The following CBL variants were observed in gnomAD, a reference collection of about 807,000 sequenced individuals.
CBL encodes the protein Cbl proto-oncogene, also known as E3 ubiquitin-protein ligase CBL.
In CBL, 45 loss-of-function variants were observed where a neutral mutation model predicts 96.9. The ratio of observed to expected loss-of-function variants is 0.46; its 90% CI spans 0.37 to 0.60. The LOEUF is 0.60. CBL is among the 20% of genes least tolerant of loss of function. The pLI is 0.00. For synonymous variants in CBL, 420 were observed against 426.8 expected (o/e 0.98, Z 0.20); for missense variants, 1,024 against 1,143.5 (o/e 0.90, Z 1.51).
intron 2 of CBL, among the ~76,000 whole-genome samples, chr11:119,242,940 T>C (rs1949598818): frequency 6.6e-6 from 1 of 151,854 alleles, no homozygotes; most frequent in East Asian, 1.9e-4. Flanking sequence ...GCATTAGGGG[T>C]GAAATTAGTT....
At chr11:119,275,968 C>G (rs1404154205) in intron 5 of CBL, 29 bp from the exon 6 acceptor site, 1 of 1,612,078 alleles carries the variant, frequency 6.2e-7, no homozygotes, top group African/African-American at 1.3e-5. Flanking sequence ...GCATAATCTA[C>G]TAAAGCTTCT....
chr11:119,277,241 G>GCACACA (rs59099916), intron 6 of CBL, among the ~76,000 whole-genome samples: 326 of 146,490 alleles, frequency 2.2e-3, no homozygotes, highest in African/African-American at 7.7e-3. Flanking sequence ...AATCTGTCGC[G>GCACACA]CACACACACA....
rs118073474 is a variant in CBL, at chr11:119,281,033, A to C, written c.1431+2320A>C. ...CACTACCAAATCATATCATACTCTC[A>C]AACATCCTCTCAATATAGTTTCTAT... On this transcript the variant is annotated intron_variant, in intron 9 of 15. Coordinates refer to ENST00000264033, the MANE Select transcript of CBL (RefSeq NM_005188.4). Among the ~76,000 whole-genome samples, 84 of 152,302 alleles carry C rather than the reference A, an allele frequency of 5.5e-4. 1 individual carries two copies. The East Asian group carries it at 0.013, about 23-fold the overall frequency.
At chr11:119,277,648 C>G in intron 6 of CBL, 109 bp from the exon 7 acceptor site, 1 of 734,744 alleles carries the variant, frequency 1.4e-6, no homozygotes. Flanking sequence ...TTTATACTTA[C>G]ACCACGTTGC....
intron 2 of CBL, among the ~76,000 whole-genome samples, chr11:119,271,534 A>G (rs187731237): frequency 3.2e-3 from 491 of 152,338 alleles, no homozygotes; most frequent in Non-Finnish European, 4.4e-3. Flanking sequence ...TGAATATGTA[A>G]CATCCTCAAC....
At chr11:119,270,284 G>C (rs1010769847) in intron 2 of CBL, among the ~76,000 whole-genome samples, 2 of 126,178 alleles carry the variant, frequency 1.6e-5, no homozygotes, top group African/African-American at 3.0e-5. Flanking sequence ...TCGCTCTGTT[G>C]CCCAGGCTGG....
At chr11:119,258,114 G>C (rs552115873) in intron 2 of CBL, among the ~76,000 whole-genome samples, 6 of 152,228 alleles carry the variant, frequency 3.9e-5, no homozygotes, top group African/African-American at 1.2e-4. Flanking sequence ...TGTAATCCCA[G>C]CTACTCGGGA....
chr11:119,276,482 A>G (rs1009205048), intron 6 of CBL, among the ~76,000 whole-genome samples: 1 of 152,218 alleles, frequency 6.6e-6, no homozygotes, highest in Admixed American at 6.5e-5. Flanking sequence ...AAGTGATTCA[A>G]TGTTCCTAAT....
chr11:119,236,246 G>T (rs898362922), intron 2 of CBL, among the ~76,000 whole-genome samples: 1 of 151,932 alleles, frequency 6.6e-6, no homozygotes, highest in South Asian at 2.1e-4. Flanking sequence ...CTCCCCTGGC[G>T]CTTGGTAATC....
chr11:119,215,817 ACT>A (rs1265259925), intron 1 of CBL, among the ~76,000 whole-genome samples: 1 of 151,842 alleles, frequency 6.6e-6, no homozygotes, highest in Non-Finnish European at 1.5e-5. Flanking sequence ...ACAGAGCTAG[ACT>A]CTGTCTCAAA....
intron 2 of CBL, among the ~76,000 whole-genome samples, chr11:119,236,823 G>A (rs1288255363): frequency 1.3e-5 from 2 of 152,020 alleles, no homozygotes; most frequent in Non-Finnish European, 2.9e-5. Flanking sequence ...TTGAGGTTTT[G>A]AAATGCATGT....
intron 12 of CBL, among the ~76,000 whole-genome samples, chr11:119,292,360 C>CT (rs1336393691): frequency 1.1e-4 from 16 of 149,214 alleles, no homozygotes; most frequent in African/African-American, 4.0e-4. Context: ...TCCGAGAGCT[C>CT]TTATGCTGAT....
intron 12 of CBL, among the ~76,000 whole-genome samples, chr11:119,291,137 C>T (rs1950023755): frequency 6.6e-6 from 1 of 152,230 alleles, no homozygotes; most frequent in Non-Finnish European, 1.5e-5. Context: ...TGGCTCACGC[C>T]TGTAATCCCA....
rs893347300 is a variant in CBL, at chr11:119,206,625, C to T, written c.195+13C>T. 2.4e-5 allele frequency: 37 copies of T among 1,545,480 alleles called. 1 individual carries two copies. In the East Asian group the frequency reaches 6.7e-4, roughly 28 times the overall value. ...GCTCATGGACAAGGTGAAAGGCCGG[C>T]TGAGCGCCCGCTGTTGCAGGGTGGG... On this transcript the variant is annotated intron_variant, in intron 1 of 15. Coordinates refer to ENST00000264033, the MANE Select transcript of CBL (RefSeq NM_005188.4).
At chr11:119,247,304 C>G (rs572903730) in intron 2 of CBL, among the ~76,000 whole-genome samples, 1 of 152,154 alleles carries the variant, frequency 6.6e-6, no homozygotes, top group African/African-American at 2.4e-5. Flanking sequence ...ATCTCATCAA[C>G]GTGGTACTAG....
intron 12 of CBL, chr11:119,289,445 T>C (rs1950008674): frequency 6.6e-6 from 1 of 152,212 alleles, no homozygotes; most frequent in African/African-American, 2.4e-5. Context: ...TGTAGTTCTA[T>C]TTCTTGCCTG....
At chr11:119,298,833 T>C in intron 15 of CBL, among the ~76,000 whole-genome samples, 1 of 152,212 alleles carries the variant, frequency 6.6e-6, no homozygotes, top group East Asian at 1.9e-4. Flanking sequence ...TTAGGCTTGA[T>C]GGCTCAGAGC....
chr11:119,214,476 T>C (rs1320599359), intron 1 of CBL, among the ~76,000 whole-genome samples: 2 of 152,208 alleles, frequency 1.3e-5, no homozygotes, highest in Non-Finnish European at 2.9e-5. Context: ...CTCAAACTTC[T>C]GGCCTCAAGT....
At chr11:119,270,276 G>A (rs1432314863) in intron 2 of CBL, among the ~76,000 whole-genome samples, 5 of 131,656 alleles carry the variant, frequency 3.8e-5, no homozygotes, top group East Asian at 2.2e-4. Context: ...GTGGAGTTTC[G>A]CTCTGTTGCC....
Sources: allele counts gnomAD v4.1 joint callset (sites outside exome capture counted in the v4.1 genomes callset), GRCh38; gene constraint gnomAD v4.1.1; transcripts MANE v1.5; gene names NCBI Gene and HGNC (gene_info 2026-07-23, HGNC 2026-07-21).